The following TANC1 variants were observed in gnomAD, a reference collection of about 807,000 sequenced individuals.
The protein encoded by TANC1 is tetratricopeptide repeat, ankyrin repeat and coiled-coil containing 1.
A neutral mutation model predicts 149.7 loss-of-function variants in TANC1; 77 were observed. That is an observed-to-expected ratio of 0.51 (90% CI 0.43 to 0.62). TANC1 has a LOEUF of 0.62. TANC1 is among the 20% of genes least tolerant of loss of function. TANC1 has a pLI of 0.00. For synonymous variants in TANC1, 854 were observed against 925.0 expected (o/e 0.92, Z 1.39); for missense variants, 1,985 against 2,321.8 (o/e 0.85, Z 2.98).
intron 2 of TANC1, among the ~76,000 whole-genome samples, chr2:159,060,335 G>A (rs2042150743): frequency 6.6e-6 from 1 of 152,194 alleles, no homozygotes; most frequent in Admixed American, 6.5e-5. Context: ...GATGGGAGAA[G>A]CCCCTTCATT....
intron 1 of TANC1, among the ~76,000 whole-genome samples, chr2:158,981,528 T>TATATAC (rs1553509758): frequency 3.5e-5 from 4 of 114,544 alleles, no homozygotes; most frequent in African/African-American, 1.3e-4. Context: ...TATATATATA[T>TATATAC]ATATATATAT....
At chr2:159,089,431 T>C (rs1033280871) in intron 3 of TANC1, among the ~76,000 whole-genome samples, 4 of 152,146 alleles carry the variant, frequency 2.6e-5, no homozygotes, top group African/African-American at 9.7e-5. Context: ...CCCTCCCTGC[T>C]CCTTGAGCGG....
rs1032646866 is a variant in TANC1 at position 159,185,781 on chromosome 2, C to T, written c.2511-10C>T. 1 of 1,607,718 alleles carries T rather than the reference C, an allele frequency of 6.2e-7. No homozygotes were observed. Among genetic ancestry groups the T allele is most frequent in the Non-Finnish European group, 8.5e-7 (1 of 1,175,238 alleles). On this transcript the variant is annotated splice_polypyrimidine_tract_variant and intron_variant, in intron 14 of 26. Coordinates refer to ENST00000263635, the MANE Select transcript of TANC1 (RefSeq NM_033394.3). ...TCTTCTGCTGTGAGCCTTTGTATTC[C>T]TTCCCCTAGGAACGGGCACGCGCTC...
chr2:159,046,965 G>C (rs1054377365), intron 2 of TANC1, among the ~76,000 whole-genome samples: 4 of 151,990 alleles, frequency 2.6e-5, no homozygotes, highest in African/African-American at 7.3e-5. Flanking sequence ...AGGTCCTGCT[G>C]TATCTGCCCT....
At chr2:159,125,573 T>TCCTC (rs143564944) in intron 4 of TANC1, among the ~76,000 whole-genome samples, 25 of 139,092 alleles carry the variant, frequency 1.8e-4, no homozygotes, top group South Asian at 1.4e-3. Context: ...ATTCCTTCCT[T>TCCTC]CCTCCCTCCC....
chr2:159,219,497 G>A, intron 21 of TANC1, 136 bp downstream of exon 21: 1 of 1,359,820 alleles, frequency 7.4e-7, no homozygotes, highest in Non-Finnish European at 1.0e-6. Context: ...AGAGAGAATA[G>A]GCAACACAGC....
chr2:159,096,177 C>G (rs1282550460), intron 3 of TANC1, among the ~76,000 whole-genome samples: 1 of 152,082 alleles, frequency 6.6e-6, no homozygotes, highest in African/African-American at 2.4e-5. Flanking sequence ...GATTTACATT[C>G]TTTCCCTGCA....
intron 2 of TANC1, among the ~76,000 whole-genome samples, chr2:159,061,920 A>C (rs1410203756): frequency 6.6e-6 from 1 of 152,140 alleles, no homozygotes; most frequent in Non-Finnish European, 1.5e-5. Context: ...TCAGTATTTG[A>C]GTTATACCTG....
chr2:159,181,753 A>G (rs1296420733), intron 14 of TANC1, among the ~76,000 whole-genome samples: 1 of 152,122 alleles, frequency 6.6e-6, no homozygotes, highest in Non-Finnish European at 1.5e-5. Context: ...TTCCTTCCTT[A>G]TCTATAAAAA....
At chr2:159,206,833 T>C (rs2058639135) in intron 19 of TANC1, among the ~76,000 whole-genome samples, 1 of 152,156 alleles carries the variant, frequency 6.6e-6, no homozygotes, top group Non-Finnish European at 1.5e-5. Flanking sequence ...CAGCACAAGC[T>C]TAGCCCTTAC....
At chr2:159,030,862 G>T (rs2039723244) in intron 2 of TANC1, among the ~76,000 whole-genome samples, 1 of 152,172 alleles carries the variant, frequency 6.6e-6, no homozygotes, top group Admixed American at 6.5e-5. Flanking sequence ...CAGAGTTGGG[G>T]GCAGCAGATC....
At chr2:159,026,642 A>C (rs947955226) in intron 2 of TANC1, among the ~76,000 whole-genome samples, 33 of 152,130 alleles carry the variant, frequency 2.2e-4, no homozygotes, top group Admixed American at 2.2e-3. Flanking sequence ...ATAGAGTCCT[A>C]AGGTGGCTCA....
chr2:159,047,229 A>C (rs1333142021), intron 2 of TANC1, among the ~76,000 whole-genome samples: 2 of 149,824 alleles, frequency 1.3e-5, no homozygotes, highest in African/African-American at 4.9e-5. Context: ...CCCCACTCCA[A>C]ACCACTCACC....
Position 159,179,150 on chromosome 2 carries a change from C to T in TANC1, c.2497C>T (p.Leu833=), listed in dbSNP as rs1311840297. The T allele has an allele frequency of 6.2e-7, 1 of 1,610,620 alleles. No homozygotes were observed. The highest frequency in any genetic ancestry group is 1.1e-5 in the South Asian group (1 of 90,812). Residue 833 remains leucine (L), a synonymous_variant, in exon 14 of 27, where the codon CTG becomes TTG. Transcript: ENST00000263635. The part of the protein sequence containing the change: ...WRADGENTAF[L]CEPRNGHALL... ...AGCAGACGGGGAAAACACGGCCTTC[C>T]TGTGTGAGCCCAGGTACGGCAGGCG...
chr2:159,148,928 G>A, intron 5 of TANC1: 1 of 469,206 alleles, frequency 2.1e-6, no homozygotes, highest in Non-Finnish European at 3.7e-6. Context: ...CTCACCCTTT[G>A]CACTTGGAGT....
At chr2:159,220,415 C>G (rs2150940858) in intron 22 of TANC1, among the ~76,000 whole-genome samples, 1 of 151,448 alleles carries the variant, frequency 6.6e-6, no homozygotes, top group East Asian at 1.9e-4. Context: ...TCAAGCAGTT[C>G]TCCTGCCTCA....
chr2:159,009,334 C>G lies in TANC1; in HGVS notation c.-16+8145C>G, dbSNP rs74506215. ...TTCCCATGTTTATTGCAGCCCTGTT[C>G]GCAGTAGTCAAGATATGGAATCAAC... On this transcript the variant is annotated intron_variant, in intron 2 of 26. Transcript: ENST00000263635. Among the ~76,000 whole-genome samples, 30 of 152,166 alleles carry G rather than the reference C, an allele frequency of 2.0e-4. 1 individual carries two copies. The highest frequency in any genetic ancestry group is 6.7e-4 in the African/African-American group (28 of 41,522).
chr2:159,102,279 AG>A (rs2046801068), intron 4 of TANC1, among the ~76,000 whole-genome samples: 1 of 151,950 alleles, frequency 6.6e-6, no homozygotes, highest in South Asian at 2.1e-4. Flanking sequence ...GTGTCACTTA[AG>A]TTTTTTTTAT....
Position 158,998,000 on chromosome 2 carries a change from A to G in TANC1, c.-125-3080A>G, listed in dbSNP as rs569789146. ...AGTTTAACACAACCAGCAGTAAACCATGTTCAAACATGAAGAAAAGTTTCA... is the reference window on the plus strand; with the variant it reads ...AGTTTAACACAACCAGCAGTAAACCGTGTTCAAACATGAAGAAAAGTTTCA... On this transcript the variant is annotated intron_variant, in intron 1 of 26. Coordinates refer to ENST00000263635, the MANE Select transcript of TANC1 (RefSeq NM_033394.3). 8.5e-5 allele frequency among the ~76,000 whole-genome samples: 13 copies of G among 152,354 alleles called. No individual in the cohort carries two copies. The East Asian group carries it at 1.9e-3, about 23-fold the overall frequency.
Sources: allele counts gnomAD v4.1 joint callset (sites outside exome capture counted in the v4.1 genomes callset), GRCh38; gene constraint gnomAD v4.1.1; transcripts MANE v1.5; gene names NCBI Gene and HGNC (gene_info 2026-07-23, HGNC 2026-07-21).